Variants in FER observed in about 807,000 individuals in gnomAD.
FER encodes tyrosine-protein kinase Fer.
A neutral mutation model predicts 111.0 loss-of-function variants in FER; 63 were observed. The ratio of observed to expected loss-of-function variants is 0.57; its 90% confidence interval spans 0.46 to 0.70. The LOEUF (loss-of-function observed/expected upper bound fraction) is 0.70. FER is among the 30% of genes least tolerant of loss of function. FER has a pLI of 0.00. For synonymous variants in FER, 327 were observed against 313.9 expected (o/e 1.04, Z -0.44); for missense variants, 914 against 954.0 (o/e 0.96, Z 0.55).
intron 1 of FER, among the ~76,000 whole-genome samples, chr5:108,763,400 G>A (rs7700630): frequency 0.56 from 84,489 of 152,064 alleles, 26,359 homozygotes; most frequent in African/African-American, 0.85. Flanking sequence ...TGAGGGCCAG[G>A]TGTTTACCTA....
At chr5:109,022,124 A>G (rs148447250) in intron 13 of FER, among the ~76,000 whole-genome samples, 1 of 152,220 alleles carries the variant, frequency 6.6e-6, no homozygotes, top group South Asian at 2.1e-4. Context: ...ATATGTGCCC[A>G]TATACAGTCC....
chr5:109,007,881 G>A (rs946731292), intron 13 of FER, among the ~76,000 whole-genome samples: 23 of 152,250 alleles, frequency 1.5e-4, no homozygotes, highest in African/African-American at 5.5e-4. Context: ...TACCAACTGC[G>A]TGAGAATTCC....
At chr5:109,017,377 T>C (rs1767292651) in intron 13 of FER, among the ~76,000 whole-genome samples, 2 of 152,000 alleles carry the variant, frequency 1.3e-5, no homozygotes, top group South Asian at 4.1e-4. Context: ...ACAAAACATA[T>C]TGTTTTAAGA....
chr5:109,089,915 C>T (rs1777974099), intron 16 of FER, among the ~76,000 whole-genome samples: 1 of 152,168 alleles, frequency 6.6e-6, no homozygotes, highest in Non-Finnish European at 1.5e-5. Context: ...GAAGTGGCTT[C>T]CTGTGGTACC....
intron 16 of FER, among the ~76,000 whole-genome samples, chr5:109,053,794 C>G (rs1163858857): frequency 6.6e-6 from 1 of 150,900 alleles, no homozygotes; most frequent in African/African-American, 2.4e-5. Flanking sequence ...GGGTTCACGC[C>G]ATTCTCCTGC....
rs116525412 is a variant in FER at position 108,896,333 on chromosome 5, G to T, written c.1047-1326G>T. ...AAGAGATTACTGAGAAATCAGAAAT[G>T]TCAATTTATTATTAAAAAGAAGATA... On this transcript the variant is annotated intron_variant, in intron 9 of 19. Transcript: ENST00000281092. Among the ~76,000 whole-genome samples, 803 of 152,188 alleles carry T rather than the reference G, an allele frequency of 5.3e-3. 9 individuals carry two copies. The highest frequency in any genetic ancestry group is 0.018 in the African/African-American group (765 of 41,544).
chr5:108,835,991 A>G, intron 5 of FER, 184 bp downstream of exon 5: 1 of 357,734 alleles, frequency 2.8e-6, no homozygotes, highest in Non-Finnish European at 5.2e-6. Flanking sequence ...ATTGCTTTAA[A>G]TGACTCAAAG....
intron 10 of FER, among the ~76,000 whole-genome samples, chr5:108,925,174 T>C (rs553619139): frequency 3.6e-4 from 55 of 151,394 alleles, no homozygotes; most frequent in African/African-American, 1.2e-3. Flanking sequence ...CCTCAAATAT[T>C]CAACAAAGAT....
intron 13 of FER, among the ~76,000 whole-genome samples, chr5:109,001,314 C>T (rs529812711): frequency 5.9e-5 from 9 of 152,312 alleles, no homozygotes; most frequent in African/African-American, 2.2e-4. Flanking sequence ...CCCTGGGATG[C>T]AAGGCTGGTT....
intron 3 of FER, among the ~76,000 whole-genome samples, chr5:108,827,852 A>T: frequency 7.5e-6 from 1 of 133,660 alleles, no homozygotes; most frequent in African/African-American, 2.9e-5. Context: ...CCCCCAAGAC[A>T]GGCTCTTGCT....
At chr5:109,056,401 A>C (rs1332686052) in intron 16 of FER, among the ~76,000 whole-genome samples, 2 of 152,244 alleles carry the variant, frequency 1.3e-5, no homozygotes, top group African/African-American at 4.8e-5. Flanking sequence ...AAAAAGGAGC[A>C]AGATCTGACC....
At chr5:108,942,037 G>A (rs1445701093) in intron 10 of FER, among the ~76,000 whole-genome samples, 1 of 152,118 alleles carries the variant, frequency 6.6e-6, no homozygotes, top group Non-Finnish European at 1.5e-5. Context: ...GGACATATGA[G>A]AAAATCCATT....
At chr5:108,922,304 A>AT (rs1389487029) in intron 10 of FER, among the ~76,000 whole-genome samples, 18 of 152,188 alleles carry the variant, frequency 1.2e-4, no homozygotes, top group Non-Finnish European at 1.9e-4. Context: ...TTAGTACAAC[A>AT]TCTGTTGTGA....
intron 10 of FER, among the ~76,000 whole-genome samples, chr5:108,926,707 A>G (rs1222447766): frequency 6.6e-6 from 1 of 152,214 alleles, no homozygotes; most frequent in Non-Finnish European, 1.5e-5. Flanking sequence ...GTCAGATGTT[A>G]CCACACTCAC....
chr5:109,033,853 A>G (rs1410911987), intron 13 of FER, among the ~76,000 whole-genome samples: 1 of 152,130 alleles, frequency 6.6e-6, no homozygotes, highest in East Asian at 1.9e-4. Flanking sequence ...TTTACTTTTA[A>G]TTAACAAATA....
chr5:109,173,076 G>A (rs1757311861), intron 17 of FER, among the ~76,000 whole-genome samples: 1 of 152,140 alleles, frequency 6.6e-6, no homozygotes. Context: ...TGATTTCTAA[G>A]CTAAAGAAAA....
chr5:109,169,284 A>G (rs1033698381), intron 17 of FER, among the ~76,000 whole-genome samples: 1 of 152,164 alleles, frequency 6.6e-6, no homozygotes, highest in Non-Finnish European at 1.5e-5. Context: ...GAACAAAGAT[A>G]AAGAAAGCTT....
intron 10 of FER, among the ~76,000 whole-genome samples, chr5:108,938,761 A>C (rs1013503746): frequency 5.9e-5 from 9 of 151,928 alleles, no homozygotes; most frequent in Admixed American, 5.9e-4. Flanking sequence ...AAGCAAACTG[A>C]TGGGATAGGA....
intron 13 of FER, among the ~76,000 whole-genome samples, chr5:108,998,043 A>G (rs1388466737): frequency 6.6e-6 from 1 of 151,908 alleles, no homozygotes; most frequent in Non-Finnish European, 1.5e-5. Flanking sequence ...TGAGAATTTT[A>G]TGCCAGTGGA....
Sources: gnomAD v4.1 joint callset for allele counts (sites outside exome capture counted in the v4.1 genomes callset) on GRCh38, gnomAD v4.1.1 for gene constraint, MANE v1.5 for transcripts, NCBI Gene and HGNC (gene_info 2026-07-23, HGNC 2026-07-21) for gene names.